The following NRG3 variants were observed in gnomAD, a reference collection of about 807,000 sequenced individuals.
The protein encoded by NRG3 is pro-neuregulin-3, membrane-bound isoform.
A neutral mutation model predicts 66.9 loss-of-function variants in NRG3; 31 were observed. That is an observed-to-expected ratio of 0.46 (90% CI 0.35 to 0.63). The LOEUF (loss-of-function observed/expected upper bound fraction) is 0.63. Ranked by LOEUF, NRG3 falls within the 20% of genes least tolerant of loss-of-function variation. The probability of loss-of-function intolerance (pLI) is 0.00; values close to 1 mark genes in which losing one functional copy is unlikely to be tolerated. For synonymous variants in NRG3, 393 were observed against 359.4 expected (o/e 1.09, Z -1.06); for missense variants, 910 against 878.9 (o/e 1.04, Z -0.45).
chr10:82,507,514 G>A (rs1844794366), intron 2 of NRG3, among the ~76,000 whole-genome samples: 1 of 152,176 alleles, frequency 6.6e-6, no homozygotes, highest in Non-Finnish European at 1.5e-5. Flanking sequence ...CACTAGAATA[G>A]CCCTGCAATG....
At chr10:82,624,950 G>A (rs1469253083) in intron 2 of NRG3, among the ~76,000 whole-genome samples, 1 of 147,664 alleles carries the variant, frequency 6.8e-6, no homozygotes, top group African/African-American at 2.5e-5. Flanking sequence ...TGTGCTTTTA[G>A]TGATGCATTA....
intron 6 of NRG3, among the ~76,000 whole-genome samples, chr10:82,961,081 C>T (rs563535226): frequency 1.3e-5 from 2 of 152,288 alleles, no homozygotes; most frequent in Non-Finnish European, 2.9e-5. Context: ...AATACAATAT[C>T]AGCACCAAAA....
chr10:82,262,532 A>G (rs2078083839), intron 1 of NRG3, among the ~76,000 whole-genome samples: 1 of 152,210 alleles, frequency 6.6e-6, no homozygotes, highest in African/African-American at 2.4e-5. Context: ...CAAATGAGAA[A>G]TTTAGTTGCT....
At chr10:82,850,311 C>T (rs556599776) in intron 3 of NRG3, among the ~76,000 whole-genome samples, 3 of 152,252 alleles carry the variant, frequency 2.0e-5, no homozygotes, top group Non-Finnish European at 4.4e-5. Context: ...ACAAGATTCA[C>T]TCCTCCCACT....
chr10:82,851,335 T>G (rs1027877548), intron 3 of NRG3, among the ~76,000 whole-genome samples: 25 of 152,104 alleles, frequency 1.6e-4, no homozygotes, highest in African/African-American at 4.8e-4. Context: ...TTGGGCAGAT[T>G]CTCTGTGGTA....
At chr10:82,984,684 C>A in intron 8 of NRG3, 1 of 1,247,868 alleles carries the variant, frequency 8.0e-7, no homozygotes. Flanking sequence ...AGAGGGTGGT[C>A]GAGTTGATGG....
chr10:82,067,959 A>G (rs879474317), intron 1 of NRG3, among the ~76,000 whole-genome samples: 1 of 152,224 alleles, frequency 6.6e-6, no homozygotes, highest in Non-Finnish European at 1.5e-5. Flanking sequence ...GTCAGTATTC[A>G]TCACAGAAAA....
intron 3 of NRG3, among the ~76,000 whole-genome samples, chr10:82,774,082 G>A (rs2059811845): frequency 1.3e-5 from 2 of 152,080 alleles, no homozygotes; most frequent in Admixed American, 1.3e-4. Flanking sequence ...TTTTTTTGAC[G>A]TGTTGCTAAA....
At chr10:82,794,380 T>G (rs549339623) in intron 3 of NRG3, among the ~76,000 whole-genome samples, 1 of 152,308 alleles carries the variant, frequency 6.6e-6, no homozygotes, top group South Asian at 2.1e-4. Flanking sequence ...TTGGTGTTAA[T>G]TGATCCAGTA....
chr10:82,422,225 A>T (rs1215946129), intron 2 of NRG3, among the ~76,000 whole-genome samples: 1 of 152,082 alleles, frequency 6.6e-6, no homozygotes, highest in African/African-American at 2.4e-5. Flanking sequence ...ATATTAAAAG[A>T]TGCTTATATG....
intron 1 of NRG3, among the ~76,000 whole-genome samples, chr10:81,985,926 C>T (rs1255899457): frequency 1.3e-5 from 2 of 152,160 alleles, no homozygotes; most frequent in Admixed American, 1.3e-4. Context: ...TCACACTTTG[C>T]AAAAATTACT....
intron 2 of NRG3, among the ~76,000 whole-genome samples, chr10:82,432,439 TG>T (rs1273807203): frequency 6.6e-6 from 1 of 150,890 alleles, no homozygotes; most frequent in East Asian, 1.9e-4. Flanking sequence ...GTATTTTTAA[TG>T]GCAGCATAGT....
chr10:82,854,988 C>T (rs748229287), intron 3 of NRG3, among the ~76,000 whole-genome samples: 12 of 152,090 alleles, frequency 7.9e-5, no homozygotes, highest in Non-Finnish European at 1.8e-4. Flanking sequence ...TTTGGGTAGC[C>T]TTTCTGTTTG....
intron 1 of NRG3, among the ~76,000 whole-genome samples, chr10:82,074,361 T>C (rs2064974975): frequency 6.6e-6 from 1 of 152,194 alleles, no homozygotes; most frequent in South Asian, 2.1e-4. Flanking sequence ...GAAGGTGGGA[T>C]AGTAGAAACG....
At chr10:82,349,380 G>A (rs1290597651) in intron 1 of NRG3, among the ~76,000 whole-genome samples, 1 of 151,428 alleles carries the variant, frequency 6.6e-6, no homozygotes, top group South Asian at 2.1e-4. Flanking sequence ...GCTGCTCGGG[G>A]GTCAGGGGTC....
chr10:82,035,005 T>C (rs10884065), intron 1 of NRG3, among the ~76,000 whole-genome samples: 21,550 of 152,040 alleles, frequency 0.14, 1,896 homozygotes, highest in East Asian at 0.27. Flanking sequence ...AGACTTAAAG[T>C]GAATATAGTT....
intron 2 of NRG3, among the ~76,000 whole-genome samples, chr10:82,505,594 G>C (rs1844593781): frequency 2.0e-5 from 3 of 152,138 alleles, no homozygotes; most frequent in African/African-American, 7.2e-5. Flanking sequence ...AATCACCCCA[G>C]TCCCTTTCTC....
chr10:82,518,747 G>A (rs1384038528), intron 2 of NRG3, among the ~76,000 whole-genome samples: 2 of 152,010 alleles, frequency 1.3e-5, no homozygotes, highest in East Asian at 3.9e-4. Flanking sequence ...AGGAAGGGTG[G>A]TCTGAATGGG....
At chr10:82,182,093 A>G (rs2133235483) in intron 1 of NRG3, among the ~76,000 whole-genome samples, 1 of 150,536 alleles carries the variant, frequency 6.6e-6, no homozygotes, top group East Asian at 1.9e-4. Flanking sequence ...TTCTTTTTGA[A>G]TGGAACATGT....
Sources: allele counts gnomAD v4.1 joint callset (sites outside exome capture counted in the v4.1 genomes callset), GRCh38; gene constraint gnomAD v4.1.1; transcripts MANE v1.5; gene names NCBI Gene and HGNC (gene_info 2026-07-23, HGNC 2026-07-21).